Variants in LETM1 observed in about 807,000 individuals in gnomAD.
LETM1 encodes the protein leucine zipper and EF-hand containing transmembrane protein 1, also known as mitochondrial proton/calcium exchanger protein.
Under a neutral mutation model 74.5 loss-of-function variants are expected in LETM1, and 50 were observed. The observed-to-expected ratio is 0.67, with a 90% confidence interval of 0.53 to 0.85. The LOEUF (loss-of-function observed/expected upper bound fraction) is 0.85, where lower values mean the gene tolerates loss of function less well. Ranked by LOEUF, LETM1 falls within the 40% of genes least tolerant of loss-of-function variation. LETM1 has a pLI of 0.00. For synonymous variants in LETM1, 446 were observed against 407.1 expected, an observed-to-expected ratio of 1.10 and a Z score of -1.15; for missense variants, 824 against 967.8, an observed-to-expected ratio of 0.85 and a Z score of 1.97.
At chr4:1,826,920 C>T (rs571955048) in intron 6 of LETM1, among the ~76,000 whole-genome samples, 4 of 152,316 alleles carry the variant, frequency 2.6e-5, no homozygotes, top group Admixed American at 2.0e-4. Flanking sequence ...GCTCCACCCA[C>T]GAAGGCAAGT....
chr4:1,833,026 G>T, intron 5 of LETM1, 79 bp from the exon 6 acceptor site: 1 of 1,294,830 alleles, frequency 7.7e-7, no homozygotes, highest in Non-Finnish European at 1.1e-6. Flanking sequence ...CATTCCCAAA[G>T]GGTGCTGCCT....
At position 1,819,347 on chromosome 4, in the gene LETM1, G is replaced by A. The variant is rs1196239630; in HGVS notation, c.1734C>T (p.Asp578=). The A allele has an allele frequency of 1.9e-6, 3 of 1,611,966 alleles. No individual in the cohort carries two copies. Among genetic ancestry groups the A allele is most frequent in the Non-Finnish European group, 2.5e-6 (3 of 1,179,404 alleles). The change falls in exon 11 of 14, where the codon GAC becomes GAT. Residue 578 remains aspartate (D), a synonymous_variant. Coordinates refer to ENST00000302787, the MANE Select transcript of LETM1 (RefSeq NM_012318.3). ...ELELLKEDVQ[D]YSEDLQEIKK... is the part of the protein sequence containing the mutation. The stretch of plus-strand genomic sequence containing the variant: ...AGCAAATCCCACCCACCTCGCTGTA[G>A]TCCTGCACATCCTCCTTCAGCAGCT...
chr4:1,829,078 C>T (rs1487160639), intron 6 of LETM1, among the ~76,000 whole-genome samples: 1 of 116,330 alleles, frequency 8.6e-6, no homozygotes, highest in Non-Finnish European at 1.8e-5. Flanking sequence ...GGCGGCTGGC[C>T]GGGCAGAGGG....
chr4:1,824,810 C>T (rs988468333), intron 7 of LETM1, among the ~76,000 whole-genome samples: 14 of 152,248 alleles, frequency 9.2e-5, no homozygotes, highest in African/African-American at 3.1e-4. Context: ...AGCACCCATG[C>T]CAGACACAGA....
At chr4:1,819,744 CAA>C (rs905450655) in intron 10 of LETM1, among the ~76,000 whole-genome samples, 2 of 152,230 alleles carry the variant, frequency 1.3e-5, no homozygotes, top group African/African-American at 4.8e-5. Flanking sequence ...TCACTACAGT[CAA>C]AGAGTCACCT....
intron 3 of LETM1, among the ~76,000 whole-genome samples, chr4:1,839,678 C>T (rs1167009314): frequency 6.6e-6 from 1 of 152,202 alleles, no homozygotes; most frequent in African/African-American, 2.4e-5. Context: ...CCTCCTTTCA[C>T]CTGCCCTAAG....
At chr4:1,845,062 C>A (rs999500669) in intron 2 of LETM1, among the ~76,000 whole-genome samples, 1 of 151,770 alleles carries the variant, frequency 6.6e-6, no homozygotes, top group Non-Finnish European at 1.5e-5. Flanking sequence ...TGGTGGCACA[C>A]GCCTATCATC....
chr4:1,825,611 G>A lies in LETM1; in HGVS notation c.1153C>T (p.Arg385Trp), dbSNP rs747208135. 4.3e-6 allele frequency: 7 copies of A among 1,613,800 alleles called. No individual in the cohort carries two copies. In the Admixed American group the frequency reaches 5.0e-5, roughly 12 times the overall value. Residue 385 changes from arginine (R) to tryptophan (W), a missense_variant, in exon 7 of 14, where the codon CGG becomes TGG. Arg to Trp is a moderately radical substitution (Grantham distance 101). Transcript: ENST00000302787. ...CGGTCTTCCGTGACGCCCAGGGCCC[G>A]CATGCCTCGTGCCCGACACGCTGCC... ...LQAACRARGM[R>W]ALGVTEDRLR... is the part of the protein sequence containing the mutation.
In LETM1 at chr4:1,841,745, T is replaced by C. The variant is rs781408033; in HGVS notation, c.196A>G (p.Arg66Gly). Residue 66 changes from arginine to glycine, a missense_variant, in exon 3 of 14, where the codon AGA becomes GGA. Arg to Gly is a moderately radical substitution (Grantham distance 125). Transcript: ENST00000302787. ...TPIHPVYTSS[R>G]GDHLGCWALR... The stretch of plus-strand genomic sequence containing the variant: ...GCCCAACAGCCGAGGTGATCGCCTC[T>C]GGAGGATGTGTACACAGGGTGGATG... 1.9e-6 allele frequency: 3 copies of C among 1,613,904 alleles called. No homozygotes were observed. In the African/African-American group the frequency reaches 4.0e-5, roughly 22 times the overall value.
At chr4:1,823,495 T>C in intron 8 of LETM1, 149 bp downstream of exon 8, 1 of 698,246 alleles carries the variant, frequency 1.4e-6, no homozygotes. Flanking sequence ...AGGGGACAGG[T>C]GGCTGGGTGG....
rs1048359176 is a variant in LETM1, at chr4:1,849,407, G to C, written c.83-198C>G. Among the ~76,000 whole-genome samples, 15 of 152,100 alleles carry C rather than the reference G, an allele frequency of 9.9e-5. No homozygotes were observed. In the South Asian group the frequency reaches 1.2e-3, roughly 13 times the overall value. ...AGCCTCCTGAGTAGCTGGAATTACAGGTGCCCACCACCATGCCCAGCTAAT... is the reference window on the plus strand; with the variant it reads ...AGCCTCCTGAGTAGCTGGAATTACACGTGCCCACCACCATGCCCAGCTAAT... On this transcript the variant is annotated intron_variant, in intron 1 of 13. Transcript: ENST00000302787.
At chr4:1,833,260 G>C (rs1712344609) in intron 5 of LETM1, 1 of 350,382 alleles carries the variant, frequency 2.9e-6, no homozygotes, top group African/African-American at 2.1e-5. Context: ...AGTAGAGATG[G>C]GATTTCACTA....
intron 8 of LETM1, 67 bp downstream of exon 8, chr4:1,823,577 C>T: frequency 6.3e-7 from 1 of 1,594,860 alleles, no homozygotes; most frequent in Non-Finnish European, 8.6e-7. Context: ...GCACACCTCC[C>T]CCCACCCCAG....
At chr4:1,832,141 A>G (rs1049287088) in intron 6 of LETM1, among the ~76,000 whole-genome samples, 2 of 151,292 alleles carry the variant, frequency 1.3e-5, no homozygotes, top group African/African-American at 4.9e-5. Context: ...TCTCTACTAA[A>G]AAATACAAAA....
chr4:1,822,372 TC>T lies in LETM1; in HGVS notation c.1477-61del, dbSNP rs1711812980. On this transcript the variant is annotated intron_variant, in intron 9 of 13. Coordinates refer to ENST00000302787, the MANE Select transcript of LETM1 (RefSeq NM_012318.3). ...CATCACACAGAAGCAGTCTTCTTGC[TC>T]CCCGAAGCTCAGAACATATGGCAGA... 8.0e-6 allele frequency: 11 copies of T among 1,378,160 alleles called. No homozygotes were observed. In the East Asian group the frequency reaches 3.0e-4, roughly 38 times the overall value. 85.4% of individuals were successfully genotyped at this position (1,378,160 alleles called of 1,614,324 possible).
rs1577308404 is a variant in LETM1 at position 1,816,720 on chromosome 4, C to T, written c.1931+7G>A. On this transcript the variant is annotated splice_region_variant and intron_variant, in intron 12 of 13. Coordinates refer to ENST00000302787, the MANE Select transcript of LETM1 (RefSeq NM_012318.3). Reference sequence around the variant, plus strand: ...GATCCCTCTCCCGCGCCCACCACCCCACTCACCCCGTGGGCATGCCGTTGG... The same window carrying T: ...GATCCCTCTCCCGCGCCCACCACCCTACTCACCCCGTGGGCATGCCGTTGG... The T allele has an allele frequency of 6.2e-7, 1 of 1,612,302 alleles. No individual in the cohort carries two copies. The highest frequency in any genetic ancestry group is 1.7e-5 in the Admixed American group (1 of 59,960).
Position 1,834,761 on chromosome 4 carries a change from C to A in LETM1, c.876+84G>T. The A allele has an allele frequency of 6.4e-7, 1 of 1,569,562 alleles. No individual in the cohort carries two copies. On this transcript the variant is annotated intron_variant, in intron 5 of 13. Coordinates refer to ENST00000302787, the MANE Select transcript of LETM1 (RefSeq NM_012318.3). The surrounding 1 kb of genome is among the most constrained non-coding windows in gnomAD (Gnocchi z 5.0). The stretch of plus-strand genomic sequence containing the variant: ...CCAGCCAGCACCTGGGGGAGCTCCA[C>A]TCTGCTGAGCACAGCGAAAGGGAAA...
chr4:1,815,934 C>T (rs1242192963), intron 12 of LETM1, 132 bp from the exon 13 acceptor site: 9 of 1,043,970 alleles, frequency 8.6e-6, no homozygotes, highest in South Asian at 4.3e-5. Context: ...ACCTCCAGCA[C>T]GGACCCCCAA....
chr4:1,845,528 A>G (rs961692545), intron 2 of LETM1, among the ~76,000 whole-genome samples: 2 of 151,626 alleles, frequency 1.3e-5, no homozygotes, highest in African/African-American at 4.8e-5. Flanking sequence ...CACCATCCAT[A>G]ATTCTTTTTT....
Sources: allele counts gnomAD v4.1 joint callset (sites outside exome capture counted in the v4.1 genomes callset), GRCh38; gene constraint gnomAD v4.1.1; non-coding constraint Gnocchi (gnomAD v3.1); transcripts MANE v1.5; gene names NCBI Gene and HGNC (gene_info 2026-07-23, HGNC 2026-07-21).